The following SUCLG2 variants were observed in gnomAD, a reference collection of about 807,000 sequenced individuals.
SUCLG2 encodes the protein succinate--CoA ligase [GDP-forming] subunit beta, mitochondrial.
In SUCLG2, 42 loss-of-function variants were observed where a neutral mutation model predicts 47.9. That is an observed-to-expected ratio of 0.88 (90% confidence interval 0.69 to 1.14). SUCLG2 has a LOEUF of 1.14. Ranked by LOEUF, SUCLG2 falls within the 50% of genes most tolerant of loss-of-function variation. The pLI is 0.00. For synonymous variants in SUCLG2, 195 were observed against 197.3 expected, an observed-to-expected ratio of 0.99 and a Z score of 0.10; for missense variants, 571 against 525.9, an observed-to-expected ratio of 1.09 and a Z score of -0.84.
intron 9 of SUCLG2, among the ~76,000 whole-genome samples, chr3:67,492,290 A>G (rs147163414): frequency 2.0e-5 from 3 of 152,316 alleles, no homozygotes; most frequent in Admixed American, 6.5e-5. Flanking sequence ...TCACTTCACA[A>G]GATGTTTCGT....
intron 9 of SUCLG2, among the ~76,000 whole-genome samples, chr3:67,492,699 G>A (rs927012131): frequency 6.6e-6 from 1 of 152,134 alleles, no homozygotes; most frequent in African/African-American, 2.4e-5. Flanking sequence ...TTCAGTAAGT[G>A]AGTTTATCTT....
intron 2 of SUCLG2, among the ~76,000 whole-genome samples, chr3:67,574,830 C>T (rs1707702670): frequency 6.6e-6 from 1 of 152,138 alleles, no homozygotes; most frequent in Admixed American, 6.5e-5. Flanking sequence ...GACTTTTCTC[C>T]AGAATTTATG....
chr3:67,634,487 G>A (rs111996635), intron 1 of SUCLG2, among the ~76,000 whole-genome samples: 1,970 of 152,210 alleles, frequency 0.013, 51 homozygotes, highest in African/African-American at 0.045. Flanking sequence ...TCAACTATTA[G>A]TTATCTTATA....
chr3:67,465,053 C>A (rs898191672), intron 9 of SUCLG2, among the ~76,000 whole-genome samples: 2 of 152,126 alleles, frequency 1.3e-5, no homozygotes, highest in African/African-American at 4.8e-5. Context: ...AGAAGATAGC[C>A]ACTGTATCTT....
Position 67,379,416 on chromosome 3 carries a change from G to GTTT in SUCLG2, c.1184-3560_1184-3558dup, listed in dbSNP as rs984744701. ...CAGATCCTGCTCTTTCTGGAGACTA[G>GTTT]TTTTTTATCACGGTTCCCACTTATT... On this transcript the variant is annotated intron_variant, in intron 10 of 10. Transcript: ENST00000307227. Among the ~76,000 whole-genome samples, 9 of 152,262 alleles carry GTTT rather than the reference G, an allele frequency of 5.9e-5. 1 individual carries two copies. The highest frequency in any genetic ancestry group is 2.6e-4 in the Admixed American group (4 of 15,294).
chr3:67,612,955 CAA>C (rs1700557858), intron 1 of SUCLG2, among the ~76,000 whole-genome samples: 1 of 152,180 alleles, frequency 6.6e-6, no homozygotes, highest in South Asian at 2.1e-4. Flanking sequence ...AAGGATATGA[CAA>C]AAGACACTGG....
chr3:67,533,676 G>C (rs545579527), intron 2 of SUCLG2, among the ~76,000 whole-genome samples: 10 of 152,090 alleles, frequency 6.6e-5, no homozygotes, highest in Non-Finnish European at 1.0e-4. Context: ...ATTTCTCAAA[G>C]GAAATGAGCT....
chr3:67,636,045 A>T (rs1162127548), intron 1 of SUCLG2, among the ~76,000 whole-genome samples: 2 of 152,192 alleles, frequency 1.3e-5, no homozygotes, highest in African/African-American at 4.8e-5. Context: ...TCAAGCGGAG[A>T]TGTTCTTTTC....
chr3:67,427,498 A>G (rs900323864), intron 9 of SUCLG2, among the ~76,000 whole-genome samples: 3 of 152,160 alleles, frequency 2.0e-5, no homozygotes, highest in African/African-American at 7.2e-5. Context: ...CTTAAAACCT[A>G]AGTTAAATAG....
intron 1 of SUCLG2, among the ~76,000 whole-genome samples, chr3:67,625,531 C>T (rs1240558604): frequency 6.6e-6 from 1 of 152,098 alleles, no homozygotes; most frequent in Non-Finnish European, 1.5e-5. Context: ...AACAACTCTC[C>T]CTTATTGGCC....
chr3:67,520,784 T>C (rs1706079900), intron 4 of SUCLG2, 150 bp from the exon 5 acceptor site: 1 of 830,240 alleles, frequency 1.2e-6, no homozygotes, highest in Non-Finnish European at 1.9e-6. Flanking sequence ...AGAGTTCTGC[T>C]CTCATGGTGC....
chr3:67,403,815 G>A (rs1702743014), intron 9 of SUCLG2, among the ~76,000 whole-genome samples: 1 of 152,176 alleles, frequency 6.6e-6, no homozygotes, highest in South Asian at 2.1e-4. Context: ...GATGATACAG[G>A]TGAGGCCAAG....
chr3:67,512,727 A>G lies in SUCLG2; in HGVS notation c.661-3824T>C, dbSNP rs570879599. ...GTACATTCACATTGCTGTGCAACCA[A>G]TTCCTAGAACTTCTTCATCTTCCCT... is the stretch of plus-strand genomic sequence containing the variant. On this transcript the variant is annotated intron_variant, in intron 6 of 10. Transcript: ENST00000307227. 4.6e-5 allele frequency among the ~76,000 whole-genome samples: 7 copies of G among 151,008 alleles called. No individual in the cohort carries two copies. The East Asian group carries it at 9.7e-4, about 21-fold the overall frequency.
chr3:67,462,908 T>C (rs1280676344), intron 9 of SUCLG2, among the ~76,000 whole-genome samples: 4 of 152,196 alleles, frequency 2.6e-5, no homozygotes, highest in African/African-American at 9.7e-5. Context: ...TAGTGTCTGC[T>C]GCAGAATTGA....
rs536448255 is a variant in SUCLG2, at chr3:67,600,293, G to C, written c.226+9162C>G. Reference sequence around the variant, plus strand: ...CTGTTGATGTTTTAATAGTTGTTTTGTATTTCTTTCATGACGGCTCAAAAC... The same window carrying C: ...CTGTTGATGTTTTAATAGTTGTTTTCTATTTCTTTCATGACGGCTCAAAAC... On this transcript the variant is annotated intron_variant, in intron 2 of 10. Coordinates refer to ENST00000307227, the MANE Select transcript of SUCLG2 (RefSeq NM_003848.4). Among the ~76,000 whole-genome samples the C allele has an allele frequency of 7.2e-4, 109 of 152,140 alleles. 1 individual carries two copies. Among genetic ancestry groups the C allele is most frequent in the Middle Eastern group, 3.4e-3 (1 of 294 alleles).
intron 2 of SUCLG2, among the ~76,000 whole-genome samples, chr3:67,534,355 A>G (rs2107158752): frequency 6.6e-6 from 1 of 152,248 alleles, no homozygotes; most frequent in South Asian, 2.1e-4. Context: ...TTTCGACGGA[A>G]TAATTTTAAT....
chr3:67,378,708 TGGGGTAATTTGTTAAGTGCTGATAGGTAA>T (rs1702087889), intron 10 of SUCLG2, among the ~76,000 whole-genome samples: 1 of 152,224 alleles, frequency 6.6e-6, no homozygotes, highest in Non-Finnish European at 1.5e-5. Flanking sequence ...TGCTACATTT[TGGGGTAATTTGTTAAGTGCTGATAGGTAA>T]GTAACACAGA....
At chr3:67,415,184 G>A (rs147638610) in intron 9 of SUCLG2, among the ~76,000 whole-genome samples, 69 of 152,238 alleles carry the variant, frequency 4.5e-4, no homozygotes, top group Admixed American at 7.2e-4. Flanking sequence ...TGCATATAAT[G>A]AAATATTCGA....
chr3:67,592,883 C>T (rs961014954), intron 2 of SUCLG2, among the ~76,000 whole-genome samples: 6 of 152,122 alleles, frequency 3.9e-5, no homozygotes, highest in Non-Finnish European at 7.3e-5. Flanking sequence ...ACTGTAAATC[C>T]TGATGGGTTA....
Sources: allele counts gnomAD v4.1 joint callset (sites outside exome capture counted in the v4.1 genomes callset), GRCh38; gene constraint gnomAD v4.1.1; transcripts MANE v1.5; gene names NCBI Gene and HGNC (gene_info 2026-07-23, HGNC 2026-07-21).